Variants in ANKRD17 observed in about 807,000 individuals in gnomAD.
ANKRD17 encodes ankyrin repeat domain 17.
A neutral mutation model predicts 229.7 loss-of-function variants in ANKRD17; 19 were observed. The observed-to-expected ratio is 0.08, with a 90% CI of 0.06 to 0.12. The LOEUF is 0.12. Among genes scored for constraint, ANKRD17 ranks in the 10% least tolerant of loss-of-function variants. The pLI is 1.00. For synonymous variants in ANKRD17, 1,112 were observed against 1,146.1 expected (o/e 0.97, Z 0.60); for missense variants, 2,176 against 3,176.8 (o/e 0.68, Z 7.57).
chr4:73,109,008 A>G (rs1913150), intron 24 of ANKRD17, among the ~76,000 whole-genome samples: 151,345 of 152,358 alleles, frequency 0.99, 75,178 homozygotes, highest in Middle Eastern at 1. Flanking sequence ...GTTACCAAAA[A>G]TTTATCTAGG....
intron 28 of ANKRD17, among the ~76,000 whole-genome samples, chr4:73,092,803 G>A (rs371721270): frequency 1.8e-4 from 28 of 152,022 alleles, no homozygotes; most frequent in Non-Finnish European, 3.4e-4. Context: ...GGATGACTCC[G>A]TCTACTAAAA....
chr4:73,098,109 T>C lies in ANKRD17; in HGVS notation c.4985A>G (p.Glu1662Gly). Residue 1662 changes from glutamate (E) to glycine (G), a missense_variant, in exon 26 of 34, where the codon GAA becomes GGA. Physicochemically the swap from Glu to Gly is moderately conservative, Grantham distance 98. Coordinates refer to ENST00000358602, the MANE Select transcript of ANKRD17 (RefSeq NM_032217.5). Reference sequence around the variant, plus strand: ...CTTGCCAGAAACAGATTTTCTCTCTTCCTTTGGAAATGTAACAAGAACTGA... The same window carrying C: ...CTTGCCAGAAACAGATTTTCTCTCTCCCTTTGGAAATGTAACAAGAACTGA... ...QPSVLVTFPK[E>G]ERKSVSGKAS... 6.2e-7 allele frequency: 1 copy of C among 1,606,452 alleles called. No homozygotes were observed.
chr4:73,146,511 T>C (rs1271302367), intron 10 of ANKRD17, among the ~76,000 whole-genome samples: 1 of 152,088 alleles, frequency 6.6e-6, no homozygotes, highest in African/African-American at 2.4e-5. Flanking sequence ...CCAGTCTGCA[T>C]TAATATCTGT....
At chr4:73,235,864 TTC>T (rs900660524) in intron 1 of ANKRD17, among the ~76,000 whole-genome samples, 4 of 151,924 alleles carry the variant, frequency 2.6e-5, no homozygotes, top group African/African-American at 9.7e-5. Context: ...TTAAAATTTT[TTC>T]TTTTTTTTTT....
chr4:73,190,261 T>C (rs1736873108), intron 1 of ANKRD17, among the ~76,000 whole-genome samples: 1 of 151,838 alleles, frequency 6.6e-6, no homozygotes, highest in African/African-American at 2.4e-5. Flanking sequence ...CCCAGCTACT[T>C]GGGAGGCTGA....
intron 1 of ANKRD17, among the ~76,000 whole-genome samples, chr4:73,185,927 GATC>G (rs1267590219): frequency 2.6e-5 from 4 of 151,850 alleles, no homozygotes; most frequent in Non-Finnish European, 5.9e-5. Flanking sequence ...TTGAGTTTAT[GATC>G]ATTTTATGAC....
chr4:73,116,929 AAC>A (rs1726036179), intron 22 of ANKRD17, among the ~76,000 whole-genome samples: 2 of 152,240 alleles, frequency 1.3e-5, no homozygotes, highest in African/African-American at 4.8e-5. Flanking sequence ...GAAATAATGG[AAC>A]AAATACATAA....
chr4:73,102,209 C>A lies in ANKRD17; in HGVS notation c.4573+167G>T, dbSNP rs571949634. Among the ~76,000 whole-genome samples the A allele has an allele frequency of 2.6e-5, 4 of 152,256 alleles. No individual in the cohort carries two copies. The South Asian group carries it at 6.2e-4, about 24-fold the overall frequency. On this transcript the variant is annotated intron_variant, in intron 25 of 33. Transcript: ENST00000358602. The stretch of plus-strand genomic sequence containing the variant: ...CTCTTAGACTCAAGTGACTCGCTCA[C>A]CTTGACCTGCCATAAAATGCTGGGA...
intron 1 of ANKRD17, among the ~76,000 whole-genome samples, chr4:73,199,632 C>G (rs555094990): frequency 1.3e-5 from 2 of 152,132 alleles, no homozygotes; most frequent in African/African-American, 4.8e-5. Flanking sequence ...CCCTCAGTCA[C>G]GGTCTGCCCC....
chr4:73,105,125 C>T (rs898854340), intron 24 of ANKRD17, among the ~76,000 whole-genome samples: 7 of 152,044 alleles, frequency 4.6e-5, no homozygotes, highest in African/African-American at 1.7e-4. Flanking sequence ...CCTAGGGAAA[C>T]CTTCTGGGGG....
At chr4:73,213,257 G>C (rs928895666) in intron 1 of ANKRD17, among the ~76,000 whole-genome samples, 1 of 152,126 alleles carries the variant, frequency 6.6e-6, no homozygotes, top group African/African-American at 2.4e-5. Flanking sequence ...AACCAGGTAA[G>C]GATAAACACT....
chr4:73,166,667 T>C (rs898035439), intron 2 of ANKRD17, among the ~76,000 whole-genome samples: 3 of 151,774 alleles, frequency 2.0e-5, no homozygotes, highest in African/African-American at 7.3e-5. Flanking sequence ...TGATCAAGTA[T>C]CTGGATCTAA....
intron 16 of ANKRD17, among the ~76,000 whole-genome samples, chr4:73,126,134 C>CA (rs1346509029): frequency 6.6e-6 from 1 of 152,080 alleles, no homozygotes; most frequent in Non-Finnish European, 1.5e-5. Context: ...TTGGAGAGAT[C>CA]AAGGTGGCTA....
chr4:73,229,607 T>A (rs1412684306), intron 1 of ANKRD17, among the ~76,000 whole-genome samples: 3 of 142,222 alleles, frequency 2.1e-5, no homozygotes, highest in Admixed American at 7.1e-5. Context: ...ATTGATTATT[T>A]AAAAAAAAAA....
chr4:73,147,372 C>T lies in ANKRD17; in HGVS notation c.1628G>A (p.Cys543Tyr). ...TQETALTLAC[C>Y]GGFLEVADFL... is the part of the protein sequence containing the mutation. ...GTCTGCCACTTCCAGAAAGCCTCCA[C>T]AGCAAGCCAGAGTCAAGGCAGTTTC... is the stretch of plus-strand genomic sequence containing the variant. The change falls in exon 9 of 34, where the codon TGT becomes TAT. Residue 543 changes from cysteine to tyrosine, a missense_variant. By Grantham distance (194) the Cys-to-Tyr change is radical. Coordinates refer to ENST00000358602, the MANE Select transcript of ANKRD17 (RefSeq NM_032217.5). 2 of 1,609,172 alleles carry T rather than the reference C, an allele frequency of 1.2e-6. No individual in the cohort carries two copies. The highest frequency in any genetic ancestry group is 1.7e-6 in the Non-Finnish European group (2 of 1,177,318).
intron 2 of ANKRD17, among the ~76,000 whole-genome samples, chr4:73,168,774 T>G (rs1237663593): frequency 1.3e-5 from 2 of 152,248 alleles, no homozygotes; most frequent in Non-Finnish European, 2.9e-5. Context: ...GTACGTTTTT[T>G]GTGTGTGTCC....
rs149672131 is a variant in ANKRD17 at position 73,228,446 on chromosome 4, A to T, written c.393+29830T>A. 9.9e-5 allele frequency among the ~76,000 whole-genome samples: 15 copies of T among 152,266 alleles called. No homozygotes were observed. In the East Asian group the frequency reaches 2.9e-3, roughly 29 times the overall value. On this transcript the variant is annotated intron_variant, in intron 1 of 33. Coordinates refer to ENST00000358602, the MANE Select transcript of ANKRD17 (RefSeq NM_032217.5). ...TTCTTCTTTATTAACTATGATTTTT[A>T]TGTAAAAGTAATACATGTACATGGA...
intron 24 of ANKRD17, chr4:73,113,300 G>T: frequency 1.6e-6 from 2 of 1,289,256 alleles, no homozygotes; most frequent in Non-Finnish European, 2.0e-6. Context: ...TGGGAATGAT[G>T]TTGTAGTCTG....
chr4:73,127,443 G>C (rs1226559775), intron 16 of ANKRD17, among the ~76,000 whole-genome samples: 2 of 151,994 alleles, frequency 1.3e-5, no homozygotes, highest in African/African-American at 4.8e-5. Flanking sequence ...GCGACTACTA[G>C]AGAATTTAAA....
Sources: gnomAD v4.1 joint callset for allele counts (sites outside exome capture counted in the v4.1 genomes callset) on GRCh38, gnomAD v4.1.1 for gene constraint, MANE v1.5 for transcripts, NCBI Gene and HGNC (gene_info 2026-07-23, HGNC 2026-07-21) for gene names.